Variants in COL7A1 observed in about 807,000 individuals in gnomAD.
The protein encoded by COL7A1 is collagen alpha-1(VII) chain.
In COL7A1, 296 loss-of-function variants were observed where a neutral mutation model predicts 456.2. The observed-to-expected ratio is 0.65, with a 90% CI of 0.59 to 0.71. The LOEUF (loss-of-function observed/expected upper bound fraction) is 0.71, where lower values mean the gene tolerates loss of function less well. COL7A1 is among the 30% of genes least tolerant of loss of function. The pLI is 0.00. For missense variants in COL7A1, 3,441 were observed against 4,017.2 expected (o/e 0.86, Z 3.88); for synonymous variants, 1,464 against 1,525.9 (o/e 0.96, Z 0.95).
Position 48,583,394 on chromosome 3 carries a change from T to C in COL7A1, c.4436A>G (p.Lys1479Arg), listed in dbSNP as rs745642592. ...PRGPPGAIGP[K>R]GDRGFPGPLG... ...CTGAATCCCCCAACTGGTACTCACTTTGGGGCCAATAGCTCCAGGAGGTCC... is the reference window on the plus strand; with the variant it reads ...CTGAATCCCCCAACTGGTACTCACTCTGGGGCCAATAGCTCCAGGAGGTCC... The change falls in exon 42 of 119, where the codon AAA (lysine) becomes AGA (arginine). Residue 1479 changes from lysine to arginine, a missense_variant and splice_region_variant. Transcript: ENST00000681320. The surrounding 1 kb of genome is among the most constrained non-coding windows in gnomAD (Gnocchi z 5.1). 1.9e-6 allele frequency: 3 copies of C among 1,614,130 alleles called. No homozygotes were observed. Among genetic ancestry groups the C allele is most frequent in the South Asian group, 2.2e-5 (2 of 91,078 alleles).
chr3:48,583,306 T>A lies in COL7A1; in HGVS notation c.4437+87A>T. Reference sequence around the variant, plus strand: ...ACGACCTCTGACCTGGAGGGAACTCTTATCTCCTTATCTTCCAGCCTCCCC... The same window carrying A: ...ACGACCTCTGACCTGGAGGGAACTCATATCTCCTTATCTTCCAGCCTCCCC... On this transcript the variant is annotated intron_variant, in intron 42 of 118. Transcript: ENST00000681320. This position sits in a 1 kb window ranked among gnomAD's most constrained non-coding sequence, Gnocchi z 5.1. The A allele has an allele frequency of 1.9e-6, 3 of 1,609,468 alleles. No homozygotes were observed. Among genetic ancestry groups the A allele is most frequent in the Non-Finnish European group, 2.6e-6 (3 of 1,176,452 alleles).
rs1016529136 is a variant in COL7A1 at position 48,565,595 on chromosome 3, G to A, written c.8440+41C>T. The A allele has an allele frequency of 6.2e-7, 1 of 1,614,124 alleles. No homozygotes were observed. Among genetic ancestry groups the A allele is most frequent in the Non-Finnish European group, 8.5e-7 (1 of 1,180,002 alleles). On this transcript the variant is annotated intron_variant, in intron 115 of 118. Coordinates refer to ENST00000681320, the MANE Select transcript of COL7A1 (RefSeq NM_000094.4). This position sits in a 1 kb window ranked among gnomAD's most constrained non-coding sequence, Gnocchi z 4.5. ...GACCCCAGTTGATAGGCAGGGCAGG[G>A]CCTGGGGTGAAGAAAGTTCTGGGAG...
At position 48,564,629 on chromosome 3, in the gene COL7A1, T is replaced by C; in HGVS notation, c.8818+154A>G. The C allele has an allele frequency of 9.5e-7, 1 of 1,052,092 alleles. No individual in the cohort carries two copies. The allele number at this position is 1,052,092 out of a possible 1,614,324, so 65.2% of individuals were successfully genotyped here. A position where few individuals can be genotyped will look rare whatever the true frequency, so the allele number is the denominator to read the frequency against. On this transcript the variant is annotated intron_variant, in intron 118 of 118. Coordinates refer to ENST00000681320, the MANE Select transcript of COL7A1 (RefSeq NM_000094.4). The surrounding 1 kb of genome is among the most constrained non-coding windows in gnomAD (Gnocchi z 6.0). The stretch of plus-strand genomic sequence containing the variant: ...CCACGGCTGGGGCTCTATATTCAGC[T>C]CTTTGGTCTGGGCGTCTGCCCCAGG...
rs1038651882 is a variant in COL7A1, at chr3:48,588,087, C to T, written c.2711-148G>A. 1.6e-5 allele frequency: 21 copies of T among 1,308,956 alleles called. No individual in the cohort carries two copies. Among genetic ancestry groups the T allele is most frequent in the African/African-American group, 1.0e-4 (7 of 68,396 alleles). The allele number at this position is 1,308,956 out of a possible 1,614,324, so 81.1% of individuals were successfully genotyped here. The stretch of plus-strand genomic sequence containing the variant: ...ATCCTCACTGACCCTGCCCACTTTA[C>T]GGACCCTGCCAGACTGACCCTCCAT... On this transcript the variant is annotated intron_variant, in intron 21 of 118. Coordinates refer to ENST00000681320, the MANE Select transcript of COL7A1 (RefSeq NM_000094.4). This position sits in a 1 kb window ranked among gnomAD's most constrained non-coding sequence, Gnocchi z 4.6.
rs2107653578 is a variant in COL7A1, at chr3:48,571,888, A to G, written c.7068+113T>C. 7.7e-7 allele frequency: 1 copy of G among 1,297,188 alleles called. No homozygotes were observed. Among genetic ancestry groups the G allele is most frequent in the East Asian group, 2.5e-5 (1 of 39,824 alleles). The allele number at this position is 1,297,188 out of a possible 1,614,324, so 80.4% of individuals were successfully genotyped here. ...AGAGAGCAGGCTCCTGGATGTTGGG[A>G]CATGCAGCCCGACTCAGGGGCTCAG... On this transcript the variant is annotated intron_variant, in intron 92 of 118. Transcript: ENST00000681320. This position sits in a 1 kb window ranked among gnomAD's most constrained non-coding sequence, Gnocchi z 4.6.
rs1249826574 is a variant in COL7A1 at position 48,576,996 on chromosome 3, C to T, written c.5564G>A (p.Arg1855Lys). 10 of 1,613,996 alleles carry T rather than the reference C, an allele frequency of 6.2e-6. No homozygotes were observed. The East Asian group carries it at 1.3e-4, about 22-fold the overall frequency. The change falls in exon 66 of 119, where the codon AGG becomes AAG. Residue 1855 changes from arginine to lysine, a missense_variant. Arg to Lys is a conservative substitution (Grantham distance 26). Coordinates refer to ENST00000681320, the MANE Select transcript of COL7A1 (RefSeq NM_000094.4). ...GEPGDPGEDGRKGEKGDSGAS... is the reference protein window; with the variant it reads ...GEPGDPGEDGKKGEKGDSGAS... ...ACCCCAGGTGGGGGACTTTACCTTC[C>T]TCCCGTCTTCTCCAGGGTCCCCAGG...
Position 48,566,571 on chromosome 3 carries a change from C to T in COL7A1, c.8305-8G>A, listed in dbSNP as rs755764888. 2 of 1,614,156 alleles carry T rather than the reference C, an allele frequency of 1.2e-6. No homozygotes were observed. Among genetic ancestry groups the T allele is most frequent in the South Asian group, 2.2e-5 (2 of 91,084 alleles). Reference sequence around the variant, plus strand: ...GGCAGGCCCTGGCCGCCCCTATGTGCAACAGATGGGACCAGGCTGTGACCT... The same window carrying T: ...GGCAGGCCCTGGCCGCCCCTATGTGTAACAGATGGGACCAGGCTGTGACCT... On this transcript the variant is annotated splice_polypyrimidine_tract_variant and splice_region_variant and intron_variant, in intron 112 of 118. Transcript: ENST00000681320. This position sits in a 1 kb window ranked among gnomAD's most constrained non-coding sequence, Gnocchi z 5.9.
At position 48,569,782 on chromosome 3, in the gene COL7A1, G is replaced by C. The variant is rs772467325; in HGVS notation, c.7522-22C>G. 1.2e-6 allele frequency: 2 copies of C among 1,614,102 alleles called. No homozygotes were observed. Among genetic ancestry groups the C allele is most frequent in the South Asian group, 2.2e-5 (2 of 91,088 alleles). ...CACCCTATTGGGCAAAAGAGTGTGAGTCCCGCCCAAACTGGGGAGGCCCCG... is the reference window on the plus strand; with the variant it reads ...CACCCTATTGGGCAAAAGAGTGTGACTCCCGCCCAAACTGGGGAGGCCCCG... On this transcript the variant is annotated intron_variant, in intron 100 of 118. Transcript: ENST00000681320. The surrounding 1 kb of genome is among the most constrained non-coding windows in gnomAD (Gnocchi z 4.9).
rs143095242 is a variant in COL7A1 at position 48,566,228 on chromosome 3, T to G, written c.8407+39A>C. The G allele has an allele frequency of 2.5e-6, 4 of 1,582,060 alleles. No individual in the cohort carries two copies. The East Asian group carries it at 9.1e-5, about 36-fold the overall frequency. On this transcript the variant is annotated intron_variant, in intron 114 of 118. Coordinates refer to ENST00000681320, the MANE Select transcript of COL7A1 (RefSeq NM_000094.4). The surrounding 1 kb of genome is among the most constrained non-coding windows in gnomAD (Gnocchi z 5.9). ...GCCTGCCTGCCCTTGCCTAGGGTGC[T>G]GGGGTGGAGTGGGAGACTGCGGGCT...
rs1224698321 is a variant in COL7A1 at position 48,571,564 on chromosome 3, T to A, written c.7069-286A>T. ...GTGCAGACATCTGGCTCCACAGACG[T>A]GAGTGCGGACACACGGGCGCTCAGA... On this transcript the variant is annotated intron_variant, in intron 92 of 118. Coordinates refer to ENST00000681320, the MANE Select transcript of COL7A1 (RefSeq NM_000094.4). This position sits in a 1 kb window ranked among gnomAD's most constrained non-coding sequence, Gnocchi z 4.6. 1.5e-6 allele frequency: 1 copy of A among 683,106 alleles called. No homozygotes were observed. Among genetic ancestry groups the A allele is most frequent in the Admixed American group, 2.0e-5 (1 of 48,862 alleles). The allele number at this position is 683,106 out of a possible 1,614,324, so 42.3% of individuals were successfully genotyped here. A position where few individuals can be genotyped will look rare whatever the true frequency, so the allele number is the denominator to read the frequency against.
Position 48,565,126 on chromosome 3 carries a change from G to A in COL7A1, c.8603C>T (p.Ala2868Val). The change falls in exon 117 of 119, where the codon GCT becomes GTT. Residue 2868 changes from alanine to valine, a missense_variant. Transcript: ENST00000681320. This position sits in a 1 kb window ranked among gnomAD's most constrained non-coding sequence, Gnocchi z 4.5. ...YSVEEYQDPE[A>V]PWDSDDPCSL... ...ATTCTCACCATCACTATCCCAAGGAGCTTCAGGGTCCTGGTACTCCTCCAC... is the reference window on the plus strand; with the variant it reads ...ATTCTCACCATCACTATCCCAAGGAACTTCAGGGTCCTGGTACTCCTCCAC... 1 of 1,614,110 alleles carries A rather than the reference G, an allele frequency of 6.2e-7. No homozygotes were observed.
chr3:48,575,068 G>C lies in COL7A1; in HGVS notation c.6275C>G (p.Pro2092Arg). ...AGGCAGGGATGGGGTGATCACCTTGGGGCCAGGGGGTCCGGGGGGCCCAGG... is the reference window on the plus strand; with the variant it reads ...AGGCAGGGATGGGGTGATCACCTTGCGGCCAGGGGGTCCGGGGGGCCCAGG... ...GTPGPPGPPG[P>R]KVSVDEPGPG... The change falls in exon 76 of 119, where the codon CCC becomes CGC. Residue 2092 changes from proline to arginine, a missense_variant. Pro to Arg is a moderately radical substitution (Grantham distance 103). Around this residue, in one of 3 missense-constraint regions of COL7A1, gnomAD observed 2,084 missense variants for 2,501.3 expected, o/e 0.83. Coordinates refer to ENST00000681320, the MANE Select transcript of COL7A1 (RefSeq NM_000094.4). The surrounding 1 kb of genome is among the most constrained non-coding windows in gnomAD (Gnocchi z 6.3). 6.2e-7 allele frequency: 1 copy of C among 1,613,006 alleles called. No individual in the cohort carries two copies.
chr3:48,586,494 T>A lies in COL7A1; in HGVS notation c.3404-16A>T. 1.2e-6 allele frequency: 2 copies of A among 1,613,728 alleles called. No individual in the cohort carries two copies. The highest frequency in any genetic ancestry group is 2.2e-5 in the South Asian group (2 of 91,082). ...ACGGCTGTGCCTGGAAGGAAGGACATGTCAGAACCCTGGGGCACCAAGCTC... is the reference window on the plus strand; with the variant it reads ...ACGGCTGTGCCTGGAAGGAAGGACAAGTCAGAACCCTGGGGCACCAAGCTC... On this transcript the variant is annotated splice_polypyrimidine_tract_variant and intron_variant, in intron 26 of 118. Coordinates refer to ENST00000681320, the MANE Select transcript of COL7A1 (RefSeq NM_000094.4). The surrounding 1 kb of genome is among the most constrained non-coding windows in gnomAD (Gnocchi z 5.1).
In COL7A1 at chr3:48,579,720, C is replaced by T. The variant is rs1432075343; in HGVS notation, c.5155-52G>A. ...AACAGCCTTGAAGCCAAGCCATGCC[C>T]AAGGTAGAACCTGCTGGGAGGGGCA... On this transcript the variant is annotated intron_variant, in intron 58 of 118. Coordinates refer to ENST00000681320, the MANE Select transcript of COL7A1 (RefSeq NM_000094.4). The surrounding 1 kb of genome is among the most constrained non-coding windows in gnomAD (Gnocchi z 4.4). The T allele has an allele frequency of 3.1e-6, 5 of 1,613,778 alleles. No homozygotes were observed. Among genetic ancestry groups the T allele is most frequent in the Non-Finnish European group, 4.2e-6 (5 of 1,179,994 alleles).
In COL7A1 at chr3:48,585,921, CTCGATGAGGG is replaced by C. The variant is rs1157206049; in HGVS notation, c.3759+9_3759+18del. The stretch of plus-strand genomic sequence containing the variant: ...CCCCAGGTGCAGCCTCTGTTCACCT[CTCGATGAGGG>C]ACTCTTACCTTTGGACAATACACTG... On this transcript the variant is annotated intron_variant, in intron 29 of 118. Coordinates refer to ENST00000681320, the MANE Select transcript of COL7A1 (RefSeq NM_000094.4). This position sits in a 1 kb window ranked among gnomAD's most constrained non-coding sequence, Gnocchi z 4.5. 2 of 1,614,042 alleles carry C rather than the reference CTCGATGAGGG, an allele frequency of 1.2e-6. No homozygotes were observed. The highest frequency in any genetic ancestry group is 1.3e-5 in the African/African-American group (1 of 74,934).
At position 48,572,976 on chromosome 3, in the gene COL7A1, C is replaced by A. The variant is rs201437522; in HGVS notation, c.6751-34G>T. 2.5e-6 allele frequency: 4 copies of A among 1,613,894 alleles called. No individual in the cohort carries two copies. Among genetic ancestry groups the A allele is most frequent in the Non-Finnish European group, 2.5e-6 (3 of 1,180,002 alleles). ...GAAGAGCTCTGTCAGGGCTGCCTGT[C>A]GACCCTTGACCCCTGGAGCCCAACC... On this transcript the variant is annotated intron_variant, in intron 86 of 118. Coordinates refer to ENST00000681320, the MANE Select transcript of COL7A1 (RefSeq NM_000094.4). This position sits in a 1 kb window ranked among gnomAD's most constrained non-coding sequence, Gnocchi z 4.6.
chr3:48,582,684 G>A, intron 44 of COL7A1, 31 bp from the exon 45 acceptor site: 1 of 1,612,210 alleles, frequency 6.2e-7, no homozygotes, highest in Non-Finnish European at 8.5e-7. Context: ...AGCTGTGCAG[G>A]TGGGTGGGGA....
rs1170025132 is a variant in COL7A1 at position 48,582,632 on chromosome 3, G to A, written c.4540C>T (p.Arg1514Cys). 7.4e-6 allele frequency: 12 copies of A among 1,613,402 alleles called. No homozygotes were observed. Among genetic ancestry groups the A allele is most frequent in the Middle Eastern group, 1.6e-4 (1 of 6,078 alleles). The change falls in exon 45 of 119, where the codon CGT becomes TGT. Residue 1514 changes from arginine (R) to cysteine (C), a missense_variant. By Grantham distance (180) the Arg-to-Cys change is radical. Coordinates refer to ENST00000681320, the MANE Select transcript of COL7A1 (RefSeq NM_000094.4). ...ACTTCAGGACCCTTGGCTCCAGGAC[G>A]TCCAGCAACCCCTGGCAGCCCCTGG... is the stretch of plus-strand genomic sequence containing the variant. Reference protein sequence around the residue: ...GSRGLPGVAGRPGAKGPEGPP... With the variant: ...GSRGLPGVAGCPGAKGPEGPP...
Position 48,573,051 on chromosome 3 carries a change from T to G in COL7A1, c.6720A>C (p.Pro2240=). 6.2e-7 allele frequency: 1 copy of G among 1,614,092 alleles called. No homozygotes were observed. The highest frequency in any genetic ancestry group is 8.5e-7 in the Non-Finnish European group (1 of 1,180,008). Residue 2240 remains proline (P), a synonymous_variant, in exon 86 of 119, where the codon CCA becomes CCC. Transcript: ENST00000681320. This position sits in a 1 kb window ranked among gnomAD's most constrained non-coding sequence, Gnocchi z 5.5. ...GTCCAGGCAAACCTGGAGACCCCTG[T>G]GGACCCTGACGGAGAACAAGTCGGA... The part of the protein sequence containing the change: ...GPPGPSGLVG[P]QGSPGLPGQV...
Sources: gnomAD v4.1 joint callset for allele counts on GRCh38, gnomAD v4.1.1 for gene constraint, gnomAD v4.1.1 regional missense constraint, Gnocchi (gnomAD v3.1) non-coding constraint, MANE v1.5 for transcripts, NCBI Gene and HGNC (gene_info 2026-07-23, HGNC 2026-07-21) for gene names.